The following GPC5 variants were observed in gnomAD, a reference collection of about 807,000 sequenced individuals.
The protein encoded by GPC5 is glypican 5.
In GPC5, 47 loss-of-function variants were observed where a neutral mutation model predicts 53.9. That is an observed-to-expected ratio of 0.87 (90% CI 0.69 to 1.11). The LOEUF (loss-of-function observed/expected upper bound fraction) is 1.11. Ranked by LOEUF, GPC5 falls within the 50% of genes most tolerant of loss-of-function variation. GPC5 has a pLI of 0.00. For missense variants in GPC5, 748 were observed against 713.1 expected (o/e 1.05, Z -0.56); for synonymous variants, 286 against 263.3 (o/e 1.09, Z -0.84).
intron 1 of GPC5, among the ~76,000 whole-genome samples, chr13:91,438,570 T>C (rs960033665): frequency 6.6e-6 from 1 of 152,200 alleles, no homozygotes; most frequent in African/African-American, 2.4e-5. Context: ...AGTCTGCCCC[T>C]ACTGGGTGGT....
intron 7 of GPC5, among the ~76,000 whole-genome samples, chr13:92,652,604 T>C (rs1202076565): frequency 1.3e-5 from 2 of 152,184 alleles, no homozygotes; most frequent in African/African-American, 2.4e-5. Context: ...TCTGAGATTT[T>C]GCATATTTTA....
At chr13:92,367,348 A>G (rs1254731267) in intron 7 of GPC5, among the ~76,000 whole-genome samples, 1 of 152,160 alleles carries the variant, frequency 6.6e-6, no homozygotes, top group African/African-American at 2.4e-5. Context: ...CTTTAGAGTG[A>G]CCTTCTAGAA....
At chr13:92,799,376 G>C (rs999609059) in intron 7 of GPC5, among the ~76,000 whole-genome samples, 2 of 151,662 alleles carry the variant, frequency 1.3e-5, no homozygotes, top group African/African-American at 4.8e-5. Flanking sequence ...TTTAATGCCT[G>C]CATAATTTAG....
intron 7 of GPC5, among the ~76,000 whole-genome samples, chr13:92,165,750 G>T (rs2042022808): frequency 6.6e-6 from 1 of 152,136 alleles, no homozygotes; most frequent in African/African-American, 2.4e-5. Flanking sequence ...AATCTCAAAA[G>T]CTATTTGATA....
chr13:92,242,385 A>G (rs1001184503), intron 7 of GPC5, among the ~76,000 whole-genome samples: 1 of 152,146 alleles, frequency 6.6e-6, no homozygotes, highest in Non-Finnish European at 1.5e-5. Flanking sequence ...CTTGTAGACC[A>G]TTTTGACATG....
Position 92,832,541 on chromosome 13 carries a change from T to G in GPC5, c.1562-33741T>G, listed in dbSNP as rs143919713. On this transcript the variant is annotated intron_variant, in intron 7 of 7. Coordinates refer to ENST00000377067, the MANE Select transcript of GPC5 (RefSeq NM_004466.6). ...AAGGTTTTTAAGAAAGGAGTTACTG[T>G]ATCTTAATGTACTCATTATCACCTT... is the stretch of plus-strand genomic sequence containing the variant. 1.1e-3 allele frequency among the ~76,000 whole-genome samples: 160 copies of G among 152,312 alleles called. 1 individual carries two copies. Among genetic ancestry groups the G allele is most frequent in the African/African-American group, 3.8e-3 (158 of 41,568 alleles).
chr13:92,055,052 TA>T (rs750144682), intron 6 of GPC5, among the ~76,000 whole-genome samples: 4 of 152,216 alleles, frequency 2.6e-5, no homozygotes, highest in Non-Finnish European at 5.9e-5. Flanking sequence ...TGTTGTATTC[TA>T]AATAACAGCA....
At chr13:92,817,276 T>C (rs1362824454) in intron 7 of GPC5, among the ~76,000 whole-genome samples, 1 of 152,032 alleles carries the variant, frequency 6.6e-6, no homozygotes, top group East Asian at 1.9e-4. Flanking sequence ...AAAAGTAGTA[T>C]AAATCTACAA....
At chr13:91,738,301 G>T (rs1308375580) in intron 4 of GPC5, among the ~76,000 whole-genome samples, 2 of 151,334 alleles carry the variant, frequency 1.3e-5, no homozygotes, top group Non-Finnish European at 2.9e-5. Context: ...ATGACAAAAA[G>T]TTATATTTTG....
chr13:92,266,603 T>C (rs1189544563), intron 7 of GPC5, among the ~76,000 whole-genome samples: 1 of 152,186 alleles, frequency 6.6e-6, no homozygotes, highest in East Asian at 1.9e-4. Flanking sequence ...ATGGAAGCTA[T>C]GTATATTATC....
chr13:91,568,147 T>C (rs911064772), intron 2 of GPC5, among the ~76,000 whole-genome samples: 2 of 152,186 alleles, frequency 1.3e-5, no homozygotes, highest in East Asian at 3.9e-4. Context: ...TAAACCTCCT[T>C]TGTTTATAAA....
intron 6 of GPC5, among the ~76,000 whole-genome samples, chr13:92,003,296 G>A (rs1239345169): frequency 6.9e-6 from 1 of 145,260 alleles, no homozygotes; most frequent in Non-Finnish European, 1.5e-5. Context: ...ACCCCAGCCT[G>A]GGCAACAGAG....
chr13:92,377,367 G>T (rs1444153651), intron 7 of GPC5, among the ~76,000 whole-genome samples: 2 of 152,122 alleles, frequency 1.3e-5, no homozygotes, highest in African/African-American at 4.8e-5. Context: ...GGCTAGGATT[G>T]GAAGGCCTAG....
At chr13:92,491,520 A>G (rs1460206702) in intron 7 of GPC5, among the ~76,000 whole-genome samples, 1 of 152,144 alleles carries the variant, frequency 6.6e-6, no homozygotes, top group Non-Finnish European at 1.5e-5. Flanking sequence ...GATTTTCTCA[A>G]CACACATCGG....
chr13:91,545,716 A>C (rs2030246114), intron 2 of GPC5, among the ~76,000 whole-genome samples: 1 of 152,020 alleles, frequency 6.6e-6, no homozygotes, highest in Admixed American at 6.6e-5. Context: ...TCCTCCACCT[A>C]GCCCCTAGCA....
chr13:91,752,778 A>G (rs1235274021), intron 4 of GPC5, among the ~76,000 whole-genome samples: 1 of 152,176 alleles, frequency 6.6e-6, no homozygotes, highest in Non-Finnish European at 1.5e-5. Context: ...CCAAGGTTAC[A>G]TCTTTAACAG....
At chr13:91,427,229 A>T (rs1463393579) in intron 1 of GPC5, among the ~76,000 whole-genome samples, 1 of 152,184 alleles carries the variant, frequency 6.6e-6, no homozygotes, top group East Asian at 1.9e-4. Flanking sequence ...AGACCCTGGA[A>T]TGGTAGATCC....
chr13:92,068,214 G>C (rs895228798), intron 6 of GPC5, among the ~76,000 whole-genome samples: 5 of 151,700 alleles, frequency 3.3e-5, no homozygotes, highest in Non-Finnish European at 5.9e-5. Context: ...TTGAAGAATT[G>C]TTCAAGTTTG....
intron 7 of GPC5, among the ~76,000 whole-genome samples, chr13:92,476,229 C>T (rs1341227440): frequency 6.6e-6 from 1 of 152,088 alleles, no homozygotes; most frequent in Non-Finnish European, 1.5e-5. Context: ...AAAAAGTGGG[C>T]AAAGGACATG....
Sources: gnomAD v4.1 joint callset for allele counts (sites outside exome capture counted in the v4.1 genomes callset) on GRCh38, gnomAD v4.1.1 for gene constraint, MANE v1.5 for transcripts, NCBI Gene and HGNC (gene_info 2026-07-23, HGNC 2026-07-21) for gene names.